SNX19: variants seen among roughly 807,000 people sequenced by gnomAD.
The protein encoded by SNX19 is sorting nexin 19, also known as sorting nexin-19.
SNX19 carries 60 observed loss-of-function variants against 85.2 expected under a neutral mutation model. The observed-to-expected ratio is 0.70, with a 90% CI of 0.57 to 0.87. The LOEUF (loss-of-function observed/expected upper bound fraction) is 0.87. SNX19 is among the 40% of genes least tolerant of loss of function. The pLI is 0.00. For synonymous variants in SNX19, 520 were observed against 470.0 expected, an observed-to-expected ratio of 1.11 and a Z score of -1.38; for missense variants, 1,201 against 1,217.8, an observed-to-expected ratio of 0.99 and a Z score of 0.21.
intron 8 of SNX19, chr11:130,894,703 A>C: frequency 1.0e-6 from 1 of 985,450 alleles, no homozygotes; most frequent in Non-Finnish European, 1.2e-6. Flanking sequence ...ACACATTCAG[A>C]AAGAAGCTGG....
In SNX19 at chr11:130,910,085, AG is replaced by A. The variant is rs1945979764; in HGVS notation, c.1966del (p.Ala657LeufsTer2). 1 of 1,614,076 alleles carries A rather than the reference AG, an allele frequency of 6.2e-7. No individual in the cohort carries two copies. Among genetic ancestry groups the A allele is most frequent in the Non-Finnish European group, 8.5e-7 (1 of 1,180,038 alleles). On this transcript the variant is annotated frameshift_variant, in exon 4 of 11. Transcript: ENST00000265909. LOFTEE classifies it high-confidence loss of function. ...AATACGAGCATCTGTGTTCAGAGCAAGGAACTCCTGCACCTCCTCACTGTTA... is the reference window on the plus strand; with the variant it reads ...AATACGAGCATCTGTGTTCAGAGCAAGAACTCCTGCACCTCCTCACTGTTA... ...IANSEEVQEF[L>X]ALNTDARIAF... is the part of the protein sequence containing the mutation.
chr11:130,879,600 T>C lies in SNX19; in HGVS notation c.2846+24A>G. 6 of 1,604,984 alleles carry C rather than the reference T, an allele frequency of 3.7e-6. 1 individual carries two copies. The South Asian group carries it at 5.5e-5, about 15-fold the overall frequency. ...AGAGGTGGCTGTAACTATGCTGATG[T>C]TGGAATAACATTTTCCCACTTACCT... On this transcript the variant is annotated intron_variant, in intron 10 of 10. Transcript: ENST00000265909.
In SNX19 at chr11:130,874,422, G is replaced by GGT; in HGVS notation, c.*3998_*3999dup. Among the ~76,000 whole-genome samples the GGT allele has an allele frequency of 6.6e-6, 1 of 152,248 alleles. No individual in the cohort carries two copies. Among genetic ancestry groups the GGT allele is most frequent in the Admixed American group, 6.5e-5 (1 of 15,286 alleles). ...TGTTCTTTTATGAATGTTATCTCTG[G>GGT]GTGTGATGCCTGAAACTGCAGCAGC... On this transcript the variant is annotated 3_prime_UTR_variant, in exon 11 of 11. Transcript: ENST00000265909.
chr11:130,887,386 A>G (rs1944166873), intron 8 of SNX19, among the ~76,000 whole-genome samples: 1 of 152,248 alleles, frequency 6.6e-6, no homozygotes, highest in Non-Finnish European at 1.5e-5. Context: ...TTATAAGAAC[A>G]TACAACTTGA....
rs370365580 is a variant in SNX19 at position 130,903,839 on chromosome 11, G to A, written c.2444-455C>T. On this transcript the variant is annotated intron_variant, in intron 7 of 10. Transcript: ENST00000265909. Reference sequence around the variant, plus strand: ...TGTTCCAAAGAAAATCACAACTAGTGACTAAGTGTAACTGGCAAGGCCTCC... The same window carrying A: ...TGTTCCAAAGAAAATCACAACTAGTAACTAAGTGTAACTGGCAAGGCCTCC... 5.3e-5 allele frequency among the ~76,000 whole-genome samples: 8 copies of A among 151,900 alleles called. No individual in the cohort carries two copies. The East Asian group carries it at 5.8e-4, about 11-fold the overall frequency.
In SNX19 at chr11:130,878,479, A is replaced by G. The variant is rs749713434; in HGVS notation, c.2922T>C (p.Ala974=). 27 of 1,613,996 alleles carry G rather than the reference A, an allele frequency of 1.7e-5. No homozygotes were observed. The South Asian group carries it at 2.9e-4, about 17-fold the overall frequency. ...DLSASVEESA[A]TTSASDTPGN... ...CTGGGGTATCTGAGGCAGAGGTGGT[A>G]GCAGCAGACTCCTCAACAGAGGCAC... The change falls in exon 11 of 11, where the codon GCT becomes GCC. Residue 974 remains alanine, a synonymous_variant. Transcript: ENST00000265909.
rs1592387953 is a variant in SNX19 at position 130,915,243 on chromosome 11, T to C, written c.697A>G (p.Thr233Ala). The change falls in exon 1 of 11, where the codon ACC (threonine) becomes GCC (alanine). Residue 233 changes from threonine (T) to alanine (A), a missense_variant. Coordinates refer to ENST00000265909, the MANE Select transcript of SNX19 (RefSeq NM_014758.3). ...AGTTCGACCACTACATGGCGTCCGGTACGAGTCTCCAAGTGGGGCTTGGGC... is the reference window on the plus strand; with the variant it reads ...AGTTCGACCACTACATGGCGTCCGGCACGAGTCTCCAAGTGGGGCTTGGGC... ...LVPKPHLETR[T>A]GRHVVVELIT... is the part of the protein sequence containing the mutation. 1 of 1,614,130 alleles carries C rather than the reference T, an allele frequency of 6.2e-7. No homozygotes were observed. Among genetic ancestry groups the C allele is most frequent in the Non-Finnish European group, 8.5e-7 (1 of 1,180,064 alleles).
chr11:130,908,356 A>G, intron 4 of SNX19: 1 of 263,060 alleles, frequency 3.8e-6, no homozygotes, highest in African/African-American at 2.2e-5. Flanking sequence ...GAGAGAAATA[A>G]AAACCTGAGT....
rs1002684344 is a variant in SNX19 at position 130,878,300 on chromosome 11, C to G, written c.*122G>C. ...GGAGCAGAAGTGGGAGAGAAGTGAG[C>G]CACCGAGAACCTAGGCCTTCTTAGC... On this transcript the variant is annotated 3_prime_UTR_variant, in exon 11 of 11. Transcript: ENST00000265909. 4 of 1,121,266 alleles carry G rather than the reference C, an allele frequency of 3.6e-6. No individual in the cohort carries two copies. In the African/African-American group the frequency reaches 6.2e-5, roughly 17 times the overall value. 69.5% of individuals were successfully genotyped at this position (1,121,266 alleles called of 1,614,324 possible).
chr11:130,892,634 A>C (rs10736589), intron 8 of SNX19: 2 of 151,892 alleles, frequency 1.3e-5, no homozygotes, highest in African/African-American at 2.4e-5. Context: ...TACTGAAACC[A>C]GTAAAGCATT....
At chr11:130,904,128 AT>A (rs1945478654) in intron 7 of SNX19, among the ~76,000 whole-genome samples, 2 of 152,222 alleles carry the variant, frequency 1.3e-5, no homozygotes, top group African/African-American at 2.4e-5. Flanking sequence ...GCTTATACCC[AT>A]GCTAAACTAA....
rs199544843 is a variant in SNX19 at position 130,910,155 on chromosome 11, A to G, written c.1915-18T>C. The stretch of plus-strand genomic sequence containing the variant: ...CAGAGTTGCTGCAAAAGTAAAACAC[A>G]CACACATTTTAAAGAGAAATTCCAG... On this transcript the variant is annotated intron_variant, in intron 3 of 10. Coordinates refer to ENST00000265909, the MANE Select transcript of SNX19 (RefSeq NM_014758.3). 1 of 1,614,112 alleles carries G rather than the reference A, an allele frequency of 6.2e-7. No individual in the cohort carries two copies. The highest frequency in any genetic ancestry group is 1.1e-5 in the South Asian group (1 of 91,082).
intron 7 of SNX19, 108 bp from the exon 8 acceptor site, chr11:130,903,492 C>A: frequency 7.8e-7 from 1 of 1,279,702 alleles, no homozygotes; most frequent in Admixed American, 2.7e-5. Flanking sequence ...TGCCAATCAT[C>A]TGGTATTTTT....
At chr11:130,911,368 C>T in intron 2 of SNX19, 1 of 1,031,676 alleles carries the variant, frequency 9.7e-7, no homozygotes, top group Non-Finnish European at 1.2e-6. Context: ...AACTTACAGG[C>T]ACAGGTGGAA....
intron 8 of SNX19, among the ~76,000 whole-genome samples, chr11:130,891,629 C>G (rs1340324937): frequency 6.6e-6 from 1 of 151,938 alleles, no homozygotes; most frequent in Non-Finnish European, 1.5e-5. Flanking sequence ...TTATTTGAAA[C>G]TAGTAAGAAG....
chr11:130,905,841 A>T (rs1945623177), intron 7 of SNX19, 112 bp downstream of exon 7: 1 of 1,573,870 alleles, frequency 6.4e-7, no homozygotes, highest in Non-Finnish European at 8.6e-7. Context: ...AACACATGGC[A>T]TGCTCAGCTG....
In SNX19 at chr11:130,872,440, C is replaced by T. The variant is rs1393386340; in HGVS notation, c.*5982G>A. On this transcript the variant is annotated 3_prime_UTR_variant, in exon 11 of 11. Coordinates refer to ENST00000265909, the MANE Select transcript of SNX19 (RefSeq NM_014758.3). ...CTTGTTTCACGCTTGACAATTAAAA[C>T]ATTCTTCTGGATTTCCTTTTTTTTT... Among the ~76,000 whole-genome samples, 1 of 152,080 alleles carries T rather than the reference C, an allele frequency of 6.6e-6. No homozygotes were observed. Among genetic ancestry groups the T allele is most frequent in the Admixed American group, 6.6e-5 (1 of 15,266 alleles).
At chr11:130,900,816 G>T (rs2135369998) in intron 8 of SNX19, among the ~76,000 whole-genome samples, 1 of 152,122 alleles carries the variant, frequency 6.6e-6, no homozygotes, top group African/African-American at 2.4e-5. Context: ...ATTAGCAAAG[G>T]GAAGTCCAAA....
intron 8 of SNX19, among the ~76,000 whole-genome samples, chr11:130,887,468 C>G (rs546840140): frequency 6.6e-6 from 1 of 152,172 alleles, no homozygotes; most frequent in Non-Finnish European, 1.5e-5. Context: ...TGTAATATAA[C>G]GGCATAGACA....
Sources: allele counts gnomAD v4.1 joint callset (sites outside exome capture counted in the v4.1 genomes callset), GRCh38; gene constraint gnomAD v4.1.1; transcripts MANE v1.5; gene names NCBI Gene and HGNC (gene_info 2026-07-23, HGNC 2026-07-21).